GTF3C1: variants seen among roughly 807,000 people sequenced by gnomAD.
The protein encoded by GTF3C1 is general transcription factor 3C polypeptide 1.
In GTF3C1, 57 loss-of-function variants were observed where a neutral mutation model predicts 226.7. That is an observed-to-expected ratio of 0.25 (90% CI 0.20 to 0.31). The LOEUF (loss-of-function observed/expected upper bound fraction) is 0.31, where lower values mean the gene tolerates loss of function less well. Among genes scored for constraint, GTF3C1 ranks in the 10% least tolerant of loss-of-function variants. The probability of loss-of-function intolerance (pLI) is 1.00; values close to 1 mark genes in which losing one functional copy is unlikely to be tolerated. For synonymous variants in GTF3C1, 1,090 were observed against 1,084.8 expected, an observed-to-expected ratio of 1.00 and a Z score of -0.09; for missense variants, 2,217 against 2,776.1, an observed-to-expected ratio of 0.80 and a Z score of 4.53.
At position 27,492,595 on chromosome 16, in the gene GTF3C1, G is replaced by C. The variant is rs201679876; in HGVS notation, c.2973+22C>G. On this transcript the variant is annotated intron_variant, in intron 18 of 36. Coordinates refer to ENST00000356183, the MANE Select transcript of GTF3C1 (RefSeq NM_001520.4). The surrounding 1 kb of genome is among the most constrained non-coding windows in gnomAD (Gnocchi z 5.0). ...CCGTTTAACAATCAGAATTTCCTTCGTTTGGGCTTGAGGGACATTACCTGA... is the reference window on the plus strand; with the variant it reads ...CCGTTTAACAATCAGAATTTCCTTCCTTTGGGCTTGAGGGACATTACCTGA... 7.7e-6 allele frequency: 12 copies of C among 1,558,132 alleles called. No individual in the cohort carries two copies. The highest frequency in any genetic ancestry group is 1.4e-5 in the African/African-American group (1 of 73,868).
intron 5 of GTF3C1, 102 bp from the exon 6 acceptor site, chr16:27,528,823 G>A: frequency 1.7e-6 from 2 of 1,150,744 alleles, no homozygotes; most frequent in Non-Finnish European, 2.6e-6. Context: ...TGAATTAATT[G>A]ATTATCTTGA....
chr16:27,505,181 T>C (rs1459885154), intron 10 of GTF3C1, among the ~76,000 whole-genome samples: 1 of 152,226 alleles, frequency 6.6e-6, no homozygotes, highest in African/African-American at 2.4e-5. Context: ...CCAATTATAT[T>C]GACGAAAGTA....
intron 1 of GTF3C1, among the ~76,000 whole-genome samples, chr16:27,549,421 C>T (rs1325296618): frequency 2.6e-5 from 4 of 152,148 alleles, no homozygotes; most frequent in Non-Finnish European, 5.9e-5. Flanking sequence ...CGCCATTACC[C>T]CAAAACACAC....
rs2088623580 is a variant in GTF3C1 at position 27,514,307 on chromosome 16, C to T, written c.974-2406G>A. ...CTGCCCTGTGCTCCAGGCCCCTGCC[C>T]TGCCCTCTCCTGCAATCCCTCTCTT... On this transcript the variant is annotated intron_variant, in intron 6 of 36. Coordinates refer to ENST00000356183, the MANE Select transcript of GTF3C1 (RefSeq NM_001520.4). 2.0e-5 allele frequency among the ~76,000 whole-genome samples: 3 copies of T among 152,222 alleles called. No individual in the cohort carries two copies. In the South Asian group the frequency reaches 6.2e-4, roughly 32 times the overall value.
chr16:27,516,538 G>A (rs2088661531), intron 6 of GTF3C1, among the ~76,000 whole-genome samples: 1 of 152,196 alleles, frequency 6.6e-6, no homozygotes, highest in Non-Finnish European at 1.5e-5. Flanking sequence ...TATCCGCCCG[G>A]CAAATAAGCC....
intron 6 of GTF3C1, among the ~76,000 whole-genome samples, chr16:27,519,589 T>A (rs1394076694): frequency 3.3e-5 from 5 of 152,114 alleles, no homozygotes; most frequent in African/African-American, 9.7e-5. Context: ...AAGTAACCGA[T>A]CCTCTATTCA....
At chr16:27,545,264 A>T in intron 2 of GTF3C1, 50 bp downstream of exon 2, 1 of 1,341,920 alleles carries the variant, frequency 7.5e-7, no homozygotes, top group East Asian at 2.3e-5. Flanking sequence ...GGCGTGAGCC[A>T]CCGTACCCGG....
intron 27 of GTF3C1, 52 bp downstream of exon 27, chr16:27,481,026 CT>C: frequency 6.9e-7 from 1 of 1,459,362 alleles, no homozygotes; most frequent in African/African-American, 1.4e-5. Context: ...CAGGGCTGGC[CT>C]TTTCTTCTTG....
At chr16:27,468,651 C>T (rs1238492871) in intron 32 of GTF3C1, among the ~76,000 whole-genome samples, 1 of 152,146 alleles carries the variant, frequency 6.6e-6, no homozygotes, top group Non-Finnish European at 1.5e-5. Context: ...AATCCCATCA[C>T]TTTGGGAGGC....
At chr16:27,477,391 C>G (rs991165389) in intron 28 of GTF3C1, among the ~76,000 whole-genome samples, 27 of 152,128 alleles carry the variant, frequency 1.8e-4, no homozygotes, top group Admixed American at 3.3e-4. Flanking sequence ...ACTGCAACCT[C>G]CGTTTCCCAG....
At position 27,539,554 on chromosome 16, in the gene GTF3C1, G is replaced by C. The variant is rs1428494120; in HGVS notation, c.432-1198C>G. Among the ~76,000 whole-genome samples, 5 of 152,334 alleles carry C rather than the reference G, an allele frequency of 3.3e-5. No homozygotes were observed. In the East Asian group the frequency reaches 9.6e-4, roughly 29 times the overall value. On this transcript the variant is annotated intron_variant, in intron 2 of 36. Coordinates refer to ENST00000356183, the MANE Select transcript of GTF3C1 (RefSeq NM_001520.4). ...CCAAGCCCTGGCCCTGCAGCTGGGA[G>C]ATCCCATAAGGATGTGCTGCCGGGG...
rs59532383 is a variant in GTF3C1 at position 27,500,775 on chromosome 16, G to A, written c.2061+416C>T. Among the ~76,000 whole-genome samples the A allele has an allele frequency of 4.7e-3, 712 of 152,338 alleles. 5 individuals carry two copies. Among genetic ancestry groups the A allele is most frequent in the African/African-American group, 0.015 (641 of 41,570 alleles). On this transcript the variant is annotated intron_variant, in intron 12 of 36. Transcript: ENST00000356183. Reference sequence around the variant, plus strand: ...ATGTACTGCTCCCATCGGATAACCCGGCAGCGCATCCTCACTGACTCAATG... The same window carrying A: ...ATGTACTGCTCCCATCGGATAACCCAGCAGCGCATCCTCACTGACTCAATG...
At chr16:27,531,837 C>T (rs775692075) in intron 5 of GTF3C1, among the ~76,000 whole-genome samples, 4 of 152,274 alleles carry the variant, frequency 2.6e-5, no homozygotes, top group South Asian at 2.1e-4. Flanking sequence ...TTTATTAAGC[C>T]GGTAGGAAAT....
At chr16:27,542,060 G>A (rs2089092720) in intron 2 of GTF3C1, among the ~76,000 whole-genome samples, 2 of 152,350 alleles carry the variant, frequency 1.3e-5, no homozygotes, top group South Asian at 4.1e-4. Context: ...GGCACACAAA[G>A]CTCCTCTGTG....
Position 27,470,639 on chromosome 16 carries a change from A to C in GTF3C1, c.4527-244T>G. On this transcript the variant is annotated intron_variant, in intron 30 of 36. Transcript: ENST00000356183. This position sits in a 1 kb window ranked among gnomAD's most constrained non-coding sequence, Gnocchi z 4.9. The stretch of plus-strand genomic sequence containing the variant: ...GAGTCCTGTCTCCTCATCTAATTCA[A>C]TGTGGCCTCACCTGGCGCTCCAGGA... 3 of 501,194 alleles carry C rather than the reference A, an allele frequency of 6.0e-6. No individual in the cohort carries two copies. The highest frequency in any genetic ancestry group is 7.2e-5 in the East Asian group (2 of 27,904). 31.0% of individuals were successfully genotyped at this position (501,194 alleles called of 1,614,324 possible). A position where few individuals can be genotyped will look rare whatever the true frequency, so the allele number is the denominator to read the frequency against.
chr16:27,469,676 C>T lies in GTF3C1; in HGVS notation c.4815-126G>A. The stretch of plus-strand genomic sequence containing the variant: ...GTGGCCCCAGCAACTGGCTATGCTT[C>T]ATTACCAAGGCTGGTGTGGATGGCT... On this transcript the variant is annotated intron_variant, in intron 31 of 36. Coordinates refer to ENST00000356183, the MANE Select transcript of GTF3C1 (RefSeq NM_001520.4). The surrounding 1 kb of genome is among the most constrained non-coding windows in gnomAD (Gnocchi z 4.5). The T allele has an allele frequency of 9.6e-7, 1 of 1,045,110 alleles. No individual in the cohort carries two copies. The allele number at this position is 1,045,110 out of a possible 1,614,324, so 64.7% of individuals were successfully genotyped here. A position where few individuals can be genotyped will look rare whatever the true frequency, so the allele number is the denominator to read the frequency against.
intron 5 of GTF3C1, 145 bp downstream of exon 5, chr16:27,533,146 A>G: frequency 1.9e-6 from 1 of 528,694 alleles, no homozygotes; most frequent in South Asian, 3.0e-5. Flanking sequence ...AAGAAAAGAA[A>G]AAAACAGCAA....
chr16:27,488,905 C>A, intron 21 of GTF3C1, 138 bp downstream of exon 21: 1 of 798,154 alleles, frequency 1.3e-6, no homozygotes. Flanking sequence ...TAAAACAGGC[C>A]AGGCACACAT....
intron 29 of GTF3C1, among the ~76,000 whole-genome samples, chr16:27,475,029 C>T (rs1157087938): frequency 1.3e-5 from 2 of 152,244 alleles, no homozygotes; most frequent in Non-Finnish European, 1.5e-5. Context: ...TGCTCTGAAG[C>T]AGGGCATTCA....
Sources: gnomAD v4.1 joint callset for allele counts (sites outside exome capture counted in the v4.1 genomes callset) on GRCh38, gnomAD v4.1.1 for gene constraint, Gnocchi (gnomAD v3.1) non-coding constraint, MANE v1.5 for transcripts, NCBI Gene and HGNC (gene_info 2026-07-23, HGNC 2026-07-21) for gene names.